The following AKAP19 variants were observed in gnomAD, a reference collection of about 807,000 sequenced individuals.
AKAP19 encodes small A-kinase anchoring protein.
the AKAP19 span, among the ~76,000 whole-genome samples, chr2:190,097,771 C>T: frequency 6.7e-6 from 1 of 148,466 alleles, no homozygotes; most frequent in Non-Finnish European, 1.5e-5. Flanking sequence ...GCCTGTAATC[C>T]CAGCACTTTG....
chr2:190,181,873 T>C, the AKAP19 span, among the ~76,000 whole-genome samples: 1 of 152,224 alleles, frequency 6.6e-6, no homozygotes, highest in African/African-American at 2.4e-5. Context: ...TTTTTCCCTT[T>C]GGATGAGGCT....
chr2:190,038,904 CTTCTT>C, the AKAP19 span, among the ~76,000 whole-genome samples: 2 of 89,894 alleles, frequency 2.2e-5, no homozygotes, highest in Non-Finnish European at 4.4e-5. Flanking sequence ...TTCTTTCTTT[CTTCTT>C]CTTCTTCTTC....
chr2:189,925,807 C>A, the AKAP19 span, among the ~76,000 whole-genome samples: 1 of 151,918 alleles, frequency 6.6e-6, no homozygotes, highest in Non-Finnish European at 1.5e-5. Context: ...ATACTAGAAG[C>A]AGAGTAGAGA....
chr2:190,063,762 AG>A, the AKAP19 span, among the ~76,000 whole-genome samples: 1 of 152,088 alleles, frequency 6.6e-6, no homozygotes, highest in Non-Finnish European at 1.5e-5. Flanking sequence ...GACACCTGGC[AG>A]GGATTTGGGG....
chr2:190,021,965 C>T, the AKAP19 span, among the ~76,000 whole-genome samples: 1 of 152,136 alleles, frequency 6.6e-6, no homozygotes, highest in Admixed American at 6.6e-5. Flanking sequence ...GGTCAGGACT[C>T]TCTGTGGAGT....
chr2:190,058,913 C>T, the AKAP19 span, among the ~76,000 whole-genome samples: 1 of 151,784 alleles, frequency 6.6e-6, no homozygotes, highest in African/African-American at 2.4e-5. Flanking sequence ...GCACTAAAAC[C>T]TCAGACTTCA....
chr2:190,199,810 G>T, the AKAP19 span: 2 of 1,587,518 alleles, frequency 1.3e-6, no homozygotes, highest in Non-Finnish European at 1.7e-6. Flanking sequence ...TCTAAAGATG[G>T]CCTGGAAGTA....
the AKAP19 span, among the ~76,000 whole-genome samples, chr2:190,095,277 C>G: frequency 2.0e-5 from 3 of 152,114 alleles, no homozygotes; most frequent in Non-Finnish European, 2.9e-5. Flanking sequence ...AATGTAATTG[C>G]TATAAATCAA....
the AKAP19 span, among the ~76,000 whole-genome samples, chr2:190,093,065 G>T: frequency 1.3e-5 from 2 of 152,070 alleles, no homozygotes; most frequent in Non-Finnish European, 2.9e-5. Flanking sequence ...TCAAACCATA[G>T]GTAGAAAGTA....
the AKAP19 span, among the ~76,000 whole-genome samples, chr2:189,948,240 T>C: frequency 6.6e-6 from 1 of 152,156 alleles, no homozygotes; most frequent in Non-Finnish European, 1.5e-5. Context: ...TCTTAGAGGG[T>C]CAAAAAATTA....
At chr2:189,886,092 A>T in the AKAP19 span, among the ~76,000 whole-genome samples, 1 of 152,170 alleles carries the variant, frequency 6.6e-6, no homozygotes. Flanking sequence ...TACAGGCATA[A>T]GTCACTGTGC....
the AKAP19 span, among the ~76,000 whole-genome samples, chr2:189,977,399 GT>G: frequency 2.6e-5 from 4 of 152,118 alleles, no homozygotes; most frequent in African/African-American, 9.7e-5. Context: ...GACAAACTCA[GT>G]TTGATAACCA....
At chr2:190,145,128 AGTTT>A in the AKAP19 span, among the ~76,000 whole-genome samples, 4 of 152,082 alleles carry the variant, frequency 2.6e-5, no homozygotes, top group Admixed American at 2.6e-4. Context: ...CTACAAAAAA[AGTTT>A]AAAAATTAGC....
chr2:190,114,412 CTTAAA>C, the AKAP19 span, among the ~76,000 whole-genome samples: 1 of 152,124 alleles, frequency 6.6e-6, no homozygotes, highest in African/African-American at 2.4e-5. Flanking sequence ...TCTCCTCACA[CTTAAA>C]TTATAGTTTA....
the AKAP19 span, among the ~76,000 whole-genome samples, chr2:190,094,838 T>A: frequency 1.3e-5 from 2 of 152,188 alleles, no homozygotes; most frequent in African/African-American, 4.8e-5. Context: ...TAACTTTAAG[T>A]AGGAAACAAA....
chr2:190,200,239 T>A, the AKAP19 span: 3 of 1,002,156 alleles, frequency 3.0e-6, no homozygotes, highest in Non-Finnish European at 4.6e-6. Context: ...TACAAATAAC[T>A]ATCTGGATTT....
chr2:190,053,907 C>A, the AKAP19 span, among the ~76,000 whole-genome samples: 260 of 152,184 alleles, frequency 1.7e-3, no homozygotes, highest in Non-Finnish European at 2.3e-3. Context: ...TAAAGTTAGT[C>A]ACTGCTTTAT....
chr2:190,071,760 T>A, the AKAP19 span, among the ~76,000 whole-genome samples: 1 of 151,970 alleles, frequency 6.6e-6, no homozygotes, highest in Admixed American at 6.6e-5. Context: ...AAGTGAACGA[T>A]GGGTTTATAA....
At chr2:189,980,457 T>A in the AKAP19 span, among the ~76,000 whole-genome samples, 1 of 152,112 alleles carries the variant, frequency 6.6e-6, no homozygotes, top group Non-Finnish European at 1.5e-5. Flanking sequence ...GCCTCAGCCT[T>A]CCGAGTAGCT....
Sources: allele counts gnomAD v4.1 joint callset (sites outside exome capture counted in the v4.1 genomes callset), GRCh38; gene constraint gnomAD v4.1.1; transcripts MANE v1.5; gene names NCBI Gene and HGNC (gene_info 2026-07-23, HGNC 2026-07-21).